TENM2: variants seen among roughly 807,000 people sequenced by gnomAD.
The protein encoded by TENM2 is teneurin transmembrane protein 2, also known as teneurin-2.
Under a neutral mutation model 245.2 loss-of-function variants are expected in TENM2, and 52 were observed. That is an observed-to-expected ratio of 0.21 (90% CI 0.17 to 0.27). The LOEUF (loss-of-function observed/expected upper bound fraction) is 0.27, where lower values mean the gene tolerates loss of function less well. Ranked by LOEUF, TENM2 falls within the 10% of genes least tolerant of loss-of-function variation. The pLI, the probability that TENM2 is intolerant of heterozygous loss-of-function variation, is 1.00. For missense variants in TENM2, 3,046 were observed against 3,666.8 expected (o/e 0.83, Z 4.37); for synonymous variants, 1,363 against 1,438.9 (o/e 0.95, Z 1.19).
chr5:167,241,435 CA>C, the TENM2 span, among the ~76,000 whole-genome samples: 1 of 152,030 alleles, frequency 6.6e-6, no homozygotes, highest in African/African-American at 2.4e-5. Flanking sequence ...GGTGGATAAG[CA>C]AGAGTTCTCT....
At chr5:167,983,641 C>G (rs1051785130) in intron 4 of TENM2, among the ~76,000 whole-genome samples, 24 of 152,170 alleles carry the variant, frequency 1.6e-4, no homozygotes, top group African/African-American at 5.5e-4. Context: ...GGACTTTTGA[C>G]TACACTAATT....
the TENM2 span, among the ~76,000 whole-genome samples, chr5:167,035,822 C>T: frequency 6.6e-6 from 1 of 152,202 alleles, no homozygotes; most frequent in South Asian, 2.1e-4. Flanking sequence ...TCACTGGAAC[C>T]TCTGCCGCCT....
chr5:167,120,042 T>C, the TENM2 span, among the ~76,000 whole-genome samples: 1 of 151,884 alleles, frequency 6.6e-6, no homozygotes, highest in Non-Finnish European at 1.5e-5. Context: ...TAGGGTGGGA[T>C]AGAGAACACT....
chr5:167,298,562 C>T (rs1038411961), intron 1 of TENM2, among the ~76,000 whole-genome samples: 3 of 152,154 alleles, frequency 2.0e-5, no homozygotes, highest in Non-Finnish European at 4.4e-5. Context: ...CGAGATCGTG[C>T]CACTGCACTC....
intron 3 of TENM2, among the ~76,000 whole-genome samples, chr5:167,951,070 G>A (rs1205996349): frequency 6.6e-6 from 1 of 152,098 alleles, no homozygotes; most frequent in African/African-American, 2.4e-5. Flanking sequence ...TGTTTTTGTT[G>A]GTCAGGATGC....
chr5:167,986,448 T>C (rs1399015294), intron 4 of TENM2, among the ~76,000 whole-genome samples: 1 of 152,088 alleles, frequency 6.6e-6, no homozygotes, highest in Non-Finnish European at 1.5e-5. Flanking sequence ...TGACCAAAGC[T>C]CCCATCCCCC....
the TENM2 span, among the ~76,000 whole-genome samples, chr5:167,270,528 T>C: frequency 6.6e-6 from 1 of 152,102 alleles, no homozygotes; most frequent in East Asian, 1.9e-4. Flanking sequence ...TTCATCATGA[T>C]CTCTCTCTCC....
At chr5:168,222,945 C>A (rs1763795753) in intron 23 of TENM2, among the ~76,000 whole-genome samples, 1 of 152,170 alleles carries the variant, frequency 6.6e-6, no homozygotes, top group Non-Finnish European at 1.5e-5. Flanking sequence ...CTACATAATT[C>A]AAAGGCAGCC....
chr5:167,813,447 A>G (rs114214568), intron 2 of TENM2, among the ~76,000 whole-genome samples: 10,440 of 152,012 alleles, frequency 0.069, 435 homozygotes, highest in Middle Eastern at 0.092. Flanking sequence ...ACTGGAAACC[A>G]CTGAGCTATG....
exon 4 of TENM2, chr5:167,952,796 A>T (rs1237911271): frequency 6.4e-7 from 1 of 1,562,478 alleles, no homozygotes; most frequent in South Asian, 1.2e-5. Context: ...GCTGGGTGCT[A>T]AACAGCAACG....
At chr5:167,162,984 A>T in the TENM2 span, among the ~76,000 whole-genome samples, 1 of 152,222 alleles carries the variant, frequency 6.6e-6, no homozygotes. Flanking sequence ...GTCATGAAAC[A>T]TACATTTGGG....
intron 2 of TENM2, among the ~76,000 whole-genome samples, chr5:167,376,087 C>G (rs1011761369): frequency 1.3e-5 from 2 of 152,194 alleles, no homozygotes; most frequent in African/African-American, 2.4e-5. Flanking sequence ...ATCACTATTG[C>G]CTATCCATCA....
At chr5:167,241,194 C>T in the TENM2 span, among the ~76,000 whole-genome samples, 6 of 152,072 alleles carry the variant, frequency 3.9e-5, no homozygotes, top group South Asian at 2.1e-4. Context: ...CTACTATTTA[C>T]GAAGCCTGTA....
intron 5 of TENM2, among the ~76,000 whole-genome samples, chr5:168,019,295 C>T (rs971805091): frequency 2.0e-5 from 3 of 152,120 alleles, no homozygotes; most frequent in Non-Finnish European, 2.9e-5. Flanking sequence ...ACTCAAAACC[C>T]GCCAACAATT....
At chr5:167,690,217 T>C (rs1757337778) in intron 2 of TENM2, among the ~76,000 whole-genome samples, 1 of 151,486 alleles carries the variant, frequency 6.6e-6, no homozygotes, top group South Asian at 2.1e-4. Context: ...CAAGCCATTA[T>C]ATTGTTATCA....
At chr5:167,241,681 ATTG>A in the TENM2 span, among the ~76,000 whole-genome samples, 2 of 152,218 alleles carry the variant, frequency 1.3e-5, no homozygotes, top group Admixed American at 6.5e-5. Flanking sequence ...CTGAAGAGCA[ATTG>A]TTGGATTTGG....
At chr5:167,639,936 A>G (rs1200911178) in intron 2 of TENM2, among the ~76,000 whole-genome samples, 1 of 152,180 alleles carries the variant, frequency 6.6e-6, no homozygotes, top group Admixed American at 6.5e-5. Context: ...CACTCAGTTT[A>G]TAGATGAGTA....
intron 2 of TENM2, among the ~76,000 whole-genome samples, chr5:167,705,334 C>T (rs577802856): frequency 6.6e-6 from 1 of 152,254 alleles, no homozygotes; most frequent in African/African-American, 2.4e-5. Context: ...AAATAATTAT[C>T]AAGATCTTGA....
intron 12 of TENM2, among the ~76,000 whole-genome samples, chr5:168,143,998 C>T (rs549504923): frequency 6.8e-6 from 1 of 146,356 alleles, no homozygotes. Context: ...TACAGGCATG[C>T]ACCACCATGC....
Sources: gnomAD v4.1 joint callset for allele counts (sites outside exome capture counted in the v4.1 genomes callset) on GRCh38, gnomAD v4.1.1 for gene constraint, MANE v1.5 for transcripts, NCBI Gene and HGNC (gene_info 2026-07-23, HGNC 2026-07-21) for gene names.